BCL11B: variants seen among roughly 807,000 people sequenced by gnomAD.
The protein encoded by BCL11B is B-cell lymphoma/leukemia 11B.
Under a neutral mutation model 49.9 loss-of-function variants are expected in BCL11B, and 8 were observed. The observed-to-expected ratio is 0.16, with a 90% confidence interval of 0.09 to 0.29. The LOEUF (loss-of-function observed/expected upper bound fraction) is 0.29, where lower values mean the gene tolerates loss of function less well. BCL11B is among the 10% of genes least tolerant of loss of function. BCL11B has a pLI of 1.00. For synonymous variants in BCL11B, 739 were observed against 637.4 expected, an observed-to-expected ratio of 1.16 and a Z score of -2.40; for missense variants, 1,006 against 1,351.0, an observed-to-expected ratio of 0.74 and a Z score of 4.00.
intron 1 of BCL11B, among the ~76,000 whole-genome samples, chr14:99,258,072 C>A (rs1198077531): frequency 6.6e-6 from 1 of 152,214 alleles, no homozygotes; most frequent in Admixed American, 6.5e-5. Context: ...GGCATTGCCA[C>A]GTAAGTAGTG....
chr14:99,265,281 C>T (rs1225718302), intron 1 of BCL11B, among the ~76,000 whole-genome samples: 1 of 152,188 alleles, frequency 6.6e-6, no homozygotes, highest in Non-Finnish European at 1.5e-5. Context: ...GTGCAGGGTA[C>T]AGTCCCCAAA....
Position 99,172,493 on chromosome 14 carries a change from C to A in BCL11B, c.*1658G>T. 4.9e-6 allele frequency: 1 copy of A among 202,884 alleles called. No homozygotes were observed. The highest frequency in any genetic ancestry group is 1.0e-5 in the Non-Finnish European group (1 of 99,984). The allele number at this position is 202,884 out of a possible 1,614,324, so 12.6% of individuals were successfully genotyped here. A position where few individuals can be genotyped will look rare whatever the true frequency, so the allele number is the denominator to read the frequency against. ...ACTTTTTTAAAAAGTCTTTTCATTT[C>A]AAAAAAAAAGTTTTGCATTTGTCTC... On this transcript the variant is annotated 3_prime_UTR_variant, in exon 4 of 4. Transcript: ENST00000357195.
At position 99,192,125 on chromosome 14, in the gene BCL11B, C is replaced by T. The variant is rs1279892081; in HGVS notation, c.641-15930G>A. Among the ~76,000 whole-genome samples, 1 of 152,216 alleles carries T rather than the reference C, an allele frequency of 6.6e-6. No individual in the cohort carries two copies. The highest frequency in any genetic ancestry group is 2.4e-5 in the African/African-American group (1 of 41,452). On this transcript the variant is annotated intron_variant, in intron 3 of 3. Coordinates refer to ENST00000357195, the MANE Select transcript of BCL11B (RefSeq NM_138576.4). The surrounding 1 kb of genome is among the most constrained non-coding windows in gnomAD (Gnocchi z 4.0). The stretch of plus-strand genomic sequence containing the variant: ...GTGATTCTTCTTAGTTGTAGAAACA[C>T]TCCAAATCAGAAAGTCAATTTTTCC...
chr14:99,223,389 G>C (rs1258758750), intron 3 of BCL11B, among the ~76,000 whole-genome samples: 3 of 152,150 alleles, frequency 2.0e-5, no homozygotes, highest in African/African-American at 7.2e-5. Context: ...TTATTTTGTG[G>C]AGAGGGTAGG....
At chr14:99,212,439 G>A (rs1296672071) in intron 3 of BCL11B, among the ~76,000 whole-genome samples, 2 of 152,172 alleles carry the variant, frequency 1.3e-5, no homozygotes, top group Non-Finnish European at 2.9e-5. Flanking sequence ...TGCTTAGTCA[G>A]CTTCATTTCA....
At chr14:99,234,641 T>A (rs539060683) in intron 2 of BCL11B, among the ~76,000 whole-genome samples, 2 of 152,220 alleles carry the variant, frequency 1.3e-5, no homozygotes, top group Non-Finnish European at 2.9e-5. Context: ...AGGTCAGCCC[T>A]GAGCCAGAGC....
In BCL11B at chr14:99,257,532, G is replaced by A. The variant is rs757013819; in HGVS notation, c.366C>T (p.Asp122=). The change falls in exon 2 of 4, where the codon GAC becomes GAT. Residue 122 remains aspartate (D), a synonymous_variant. Coordinates refer to ENST00000357195, the MANE Select transcript of BCL11B (RefSeq NM_138576.4). This position sits in a 1 kb window ranked among gnomAD's most constrained non-coding sequence, Gnocchi z 6.2. ...PVEIGIQVTP[D]EDDHLLSPTK... ...TGGGTGAGAGCAGGTGGTCATCTTCGTCGGGGGTGACTTGGATCCCGATCT... is the reference window on the plus strand; with the variant it reads ...TGGGTGAGAGCAGGTGGTCATCTTCATCGGGGGTGACTTGGATCCCGATCT... 33 of 1,613,672 alleles carry A rather than the reference G, an allele frequency of 2.0e-5. No homozygotes were observed. Among genetic ancestry groups the A allele is most frequent in the South Asian group, 1.1e-4 (10 of 91,024 alleles).
chr14:99,222,825 T>C (rs1420569655), intron 3 of BCL11B, among the ~76,000 whole-genome samples: 2 of 151,006 alleles, frequency 1.3e-5, no homozygotes, highest in African/African-American at 4.9e-5. Flanking sequence ...GCCCTTTAAT[T>C]TCTTTATTTC....
At chr14:99,212,473 C>T (rs926726552) in intron 3 of BCL11B, among the ~76,000 whole-genome samples, 14 of 152,168 alleles carry the variant, frequency 9.2e-5, no homozygotes, top group African/African-American at 3.4e-4. Context: ...CATTCACAAG[C>T]GCTCACGGAC....
intron 2 of BCL11B, among the ~76,000 whole-genome samples, chr14:99,244,942 T>A (rs567452051): frequency 6.6e-6 from 1 of 152,340 alleles, no homozygotes; most frequent in East Asian, 1.9e-4. Flanking sequence ...CTGCCTGGTT[T>A]AGATTTATTT....
chr14:99,257,604 C>A lies in BCL11B; in HGVS notation c.294G>T (p.Pro98=). 1 of 1,614,056 alleles carries A rather than the reference C, an allele frequency of 6.2e-7. No homozygotes were observed. The highest frequency in any genetic ancestry group is 8.5e-7 in the Non-Finnish European group (1 of 1,179,970). Residue 98 remains proline, a synonymous_variant, in exon 2 of 4, where the codon CCG becomes CCT. Coordinates refer to ENST00000357195, the MANE Select transcript of BCL11B (RefSeq NM_138576.4). This position sits in a 1 kb window ranked among gnomAD's most constrained non-coding sequence, Gnocchi z 6.2. ...TGAGCTCGGAGCGTGAGGAGGGTGG[C>A]GGGCTGTCCTTGTCCAGGGCCTTGT... is the stretch of plus-strand genomic sequence containing the variant. ...CYDKALDKDS[P]PPSSRSELRK... is the part of the protein sequence containing the mutation.
At chr14:99,193,467 T>C (rs1463215249) in intron 3 of BCL11B, among the ~76,000 whole-genome samples, 1 of 147,432 alleles carries the variant, frequency 6.8e-6, no homozygotes, top group Non-Finnish European at 1.5e-5. Flanking sequence ...AAAGGAAGTT[T>C]AAAAAAAAAA....
At chr14:99,217,274 A>G (rs1051537213) in intron 3 of BCL11B, among the ~76,000 whole-genome samples, 6 of 149,480 alleles carry the variant, frequency 4.0e-5, no homozygotes, top group Non-Finnish European at 7.4e-5. Context: ...ATATGCAAAT[A>G]CTCACATACA....
chr14:99,199,728 A>G lies in BCL11B; in HGVS notation c.641-23533T>C, dbSNP rs919787063. On this transcript the variant is annotated intron_variant, in intron 3 of 3. Transcript: ENST00000357195. Reference sequence around the variant, plus strand: ...CACGTGTGTGCGTGTGTGCATGCATATGTGTGTGTGTACACAAAAGAAAAA... The same window carrying G: ...CACGTGTGTGCGTGTGTGCATGCATGTGTGTGTGTGTACACAAAAGAAAAA... 7.5e-5 allele frequency among the ~76,000 whole-genome samples: 10 copies of G among 134,040 alleles called. 1 individual carries two copies. The highest frequency in any genetic ancestry group is 6.5e-4 in the Admixed American group (9 of 13,830). 87.9% of individuals were successfully genotyped at this position (134,040 alleles called of 152,430 possible).
intron 2 of BCL11B, among the ~76,000 whole-genome samples, chr14:99,255,799 C>T (rs1408868689): frequency 6.6e-6 from 1 of 152,240 alleles, no homozygotes; most frequent in Non-Finnish European, 1.5e-5. Context: ...TGAAGAGACG[C>T]TGCTCAGGTG....
chr14:99,253,554 G>T (rs777579392), intron 2 of BCL11B, among the ~76,000 whole-genome samples: 1 of 152,186 alleles, frequency 6.6e-6, no homozygotes, highest in African/African-American at 2.4e-5. Context: ...TGAGGAAACC[G>T]CGGCTCAGAA....
At chr14:99,256,240 C>A (rs988973632) in intron 2 of BCL11B, among the ~76,000 whole-genome samples, 1 of 152,178 alleles carries the variant, frequency 6.6e-6, no homozygotes, top group Non-Finnish European at 1.5e-5. Flanking sequence ...AGCATGGTAA[C>A]GATCAATGCA....
In BCL11B at chr14:99,171,600, C is replaced by G. The variant is rs1460664049; in HGVS notation, c.*2551G>C. On this transcript the variant is annotated 3_prime_UTR_variant, in exon 4 of 4. Coordinates refer to ENST00000357195, the MANE Select transcript of BCL11B (RefSeq NM_138576.4). ...CGGGAAGAGAAAAATAAGTACAGGT[C>G]AGAAATGTGATTTTTTTTTTTTCTG... The G allele has an allele frequency of 4.7e-6, 1 of 211,070 alleles. No individual in the cohort carries two copies. The highest frequency in any genetic ancestry group is 2.3e-5 in the African/African-American group (1 of 43,812). The allele number at this position is 211,070 out of a possible 1,614,324, so 13.1% of individuals were successfully genotyped here.
At chr14:99,178,277 C>T (rs1443287400) in intron 3 of BCL11B, among the ~76,000 whole-genome samples, 2 of 152,172 alleles carry the variant, frequency 1.3e-5, no homozygotes, top group African/African-American at 2.4e-5. Context: ...TTCTGAAGTT[C>T]GGCCTCATCC....
Sources: gnomAD v4.1 joint callset for allele counts (sites outside exome capture counted in the v4.1 genomes callset) on GRCh38, gnomAD v4.1.1 for gene constraint, Gnocchi (gnomAD v3.1) non-coding constraint, MANE v1.5 for transcripts, NCBI Gene and HGNC (gene_info 2026-07-23, HGNC 2026-07-21) for gene names.